HS6ST3: variants seen among roughly 807,000 people sequenced by gnomAD.
HS6ST3 encodes the protein heparan-sulfate 6-O-sulfotransferase 3.
HS6ST3 carries 12 observed loss-of-function variants against 36.7 expected under a neutral mutation model. The ratio of observed to expected loss-of-function variants is 0.33; its 90% CI spans 0.21 to 0.53. The LOEUF is 0.53. Ranked by LOEUF, HS6ST3 falls within the 20% of genes least tolerant of loss-of-function variation. The pLI is 0.95. For missense variants in HS6ST3, 584 were observed against 640.9 expected (o/e 0.91, Z 0.96); for synonymous variants, 240 against 257.5 (o/e 0.93, Z 0.65).
At position 96,217,147 on chromosome 13, in the gene HS6ST3, G is replaced by A. The variant is rs142858201; in HGVS notation, c.707+125578G>A. On this transcript the variant is annotated intron_variant, in intron 1 of 1. Transcript: ENST00000376705. ...GGAGCCAGACGGAAGTTTCCCAGGG[G>A]TCCGGAAAGAAGCAACCTATTTTGA... 2.0e-3 allele frequency among the ~76,000 whole-genome samples: 301 copies of A among 152,294 alleles called. 4 individuals are homozygous for A. Among genetic ancestry groups the A allele is most frequent in the African/African-American group, 6.2e-3 (259 of 41,550 alleles).
chr13:96,669,427 G>A (rs934630090), intron 1 of HS6ST3, among the ~76,000 whole-genome samples: 4 of 152,054 alleles, frequency 2.6e-5, no homozygotes, highest in South Asian at 2.1e-4. Flanking sequence ...CCAAGTGTTC[G>A]AAGCACTTGG....
intron 1 of HS6ST3, among the ~76,000 whole-genome samples, chr13:96,457,349 A>G (rs1433290142): frequency 1.3e-5 from 2 of 148,262 alleles, no homozygotes; most frequent in African/African-American, 4.9e-5. Context: ...AACAATATAA[A>G]ATTACTCATC....
intron 1 of HS6ST3, among the ~76,000 whole-genome samples, chr13:96,506,770 T>C (rs547202764): frequency 6.6e-6 from 1 of 152,268 alleles, no homozygotes; most frequent in South Asian, 2.1e-4. Flanking sequence ...CTTCCACCTG[T>C]AGCAGTGTGT....
At chr13:96,111,867 A>G (rs2053869830) in intron 1 of HS6ST3, among the ~76,000 whole-genome samples, 1 of 152,216 alleles carries the variant, frequency 6.6e-6, no homozygotes, top group Non-Finnish European at 1.5e-5. Flanking sequence ...GAATGAATAG[A>G]CAAATGTTTT....
At position 96,570,240 on chromosome 13, in the gene HS6ST3, G is replaced by A. The variant is rs575624421; in HGVS notation, c.708-262250G>A. Among the ~76,000 whole-genome samples, 3 of 152,228 alleles carry A rather than the reference G, an allele frequency of 2.0e-5. No homozygotes were observed. In the South Asian group the frequency reaches 6.2e-4, roughly 32 times the overall value. On this transcript the variant is annotated intron_variant, in intron 1 of 1. Coordinates refer to ENST00000376705, the MANE Select transcript of HS6ST3 (RefSeq NM_153456.4). ...TTTCATCCTGATTTAATTGTGAAAT[G>A]TTATAGTCTTAATTTGGGGCCTACA...
chr13:96,519,197 G>A (rs193294905), intron 1 of HS6ST3, among the ~76,000 whole-genome samples: 11 of 152,288 alleles, frequency 7.2e-5, no homozygotes, highest in Admixed American at 2.6e-4. Context: ...TCTACCGCAA[G>A]GTTAATGCTG....
intron 1 of HS6ST3, among the ~76,000 whole-genome samples, chr13:96,375,204 A>G (rs1223378617): frequency 6.6e-6 from 1 of 152,046 alleles, no homozygotes; most frequent in Non-Finnish European, 1.5e-5. Flanking sequence ...CCACCCTCGT[A>G]AAGGGTGATT....
chr13:96,789,956 A>G (rs953278809), intron 1 of HS6ST3, among the ~76,000 whole-genome samples: 1 of 151,678 alleles, frequency 6.6e-6, no homozygotes, highest in Non-Finnish European at 1.5e-5. Context: ...TTTGTTTCCT[A>G]TGAAATTCAA....
chr13:96,725,321 G>T (rs1875975707), intron 1 of HS6ST3, among the ~76,000 whole-genome samples: 2 of 152,042 alleles, frequency 1.3e-5, no homozygotes, highest in East Asian at 1.9e-4. Flanking sequence ...TATTTGGCTT[G>T]CCATTTAATT....
At chr13:96,788,935 T>C (rs1312754212) in intron 1 of HS6ST3, among the ~76,000 whole-genome samples, 1 of 151,904 alleles carries the variant, frequency 6.6e-6, no homozygotes, top group East Asian at 1.9e-4. Flanking sequence ...AGTAGTTTTT[T>C]TATAGGTAGC....
At chr13:96,317,356 A>ATAAAAT (rs1555297614) in intron 1 of HS6ST3, among the ~76,000 whole-genome samples, 119 of 14,188 alleles carry the variant, frequency 8.4e-3, no homozygotes, top group African/African-American at 0.018. Flanking sequence ...ATATATATAT[A>ATAAAAT]TATATATATA....
intron 1 of HS6ST3, among the ~76,000 whole-genome samples, chr13:96,698,602 T>C (rs1875197061): frequency 6.6e-6 from 1 of 152,012 alleles, no homozygotes; most frequent in Admixed American, 6.6e-5. Flanking sequence ...ATCAATAAAA[T>C]GAGAGGATAC....
chr13:96,359,673 G>T (rs2139435209), intron 1 of HS6ST3, among the ~76,000 whole-genome samples: 1 of 152,198 alleles, frequency 6.6e-6, no homozygotes, highest in Non-Finnish European at 1.5e-5. Context: ...TCACTTTGCT[G>T]GTCATGTAGG....
intron 1 of HS6ST3, among the ~76,000 whole-genome samples, chr13:96,258,829 A>T (rs2139381843): frequency 6.6e-6 from 1 of 152,310 alleles, no homozygotes; most frequent in East Asian, 1.9e-4. Flanking sequence ...GACTTGAGAA[A>T]TAGTGATGAA....
intron 1 of HS6ST3, among the ~76,000 whole-genome samples, chr13:96,363,755 T>C (rs1202823881): frequency 6.6e-6 from 1 of 152,130 alleles, no homozygotes; most frequent in African/African-American, 2.4e-5. Flanking sequence ...AGGTTATAGA[T>C]GAGAGAAACA....
chr13:96,295,150 C>T (rs1041739657), intron 1 of HS6ST3, among the ~76,000 whole-genome samples: 1 of 152,042 alleles, frequency 6.6e-6, no homozygotes, highest in East Asian at 1.9e-4. Context: ...ATGGCCATGG[C>T]TAGGTATTTT....
chr13:96,788,308 T>A (rs1437723149), intron 1 of HS6ST3, among the ~76,000 whole-genome samples: 1 of 151,922 alleles, frequency 6.6e-6, no homozygotes, highest in Non-Finnish European at 1.5e-5. Flanking sequence ...TTCACTAAAT[T>A]CATAGATCAA....
At chr13:96,693,919 C>A (rs1324501237) in intron 1 of HS6ST3, among the ~76,000 whole-genome samples, 2 of 152,168 alleles carry the variant, frequency 1.3e-5, no homozygotes, top group Non-Finnish European at 2.9e-5. Flanking sequence ...TTATAACTTA[C>A]AGACCTAAAA....
chr13:96,091,277 G>T lies in HS6ST3; in HGVS notation c.415G>T (p.Asp139Tyr). ...CCTGAAGGACCTGACCCGCTTCGTGGATTTCAACATCAAAGGGCGCGACGT... is the reference window on the plus strand; with the variant it reads ...CCTGAAGGACCTGACCCGCTTCGTGTATTTCAACATCAAAGGGCGCGACGT... ...FSLKDLTRFV[D>Y]FNIKGRDVIV... The change falls in exon 1 of 2, where the codon GAT (aspartate) becomes TAT (tyrosine). Residue 139 changes from aspartate (D) to tyrosine (Y), a missense_variant. Asp to Tyr is a radical substitution (Grantham distance 160, BLOSUM62 -3). Around this residue, in one of 3 missense-constraint regions of HS6ST3, gnomAD observed 217 missense variants for 205.4 expected, o/e 1.06. Transcript: ENST00000376705. 1.2e-6 allele frequency: 2 copies of T among 1,612,986 alleles called. No individual in the cohort carries two copies. Among genetic ancestry groups the T allele is most frequent in the South Asian group, 1.1e-5 (1 of 90,812 alleles).
Sources: allele counts gnomAD v4.1 joint callset (sites outside exome capture counted in the v4.1 genomes callset), GRCh38; gene constraint gnomAD v4.1.1; regional missense constraint gnomAD v4.1.1; transcripts MANE v1.5; gene names NCBI Gene and HGNC (gene_info 2026-07-23, HGNC 2026-07-21).